LRRIQ3: variants seen among roughly 807,000 people sequenced by gnomAD.
LRRIQ3 encodes leucine-rich repeat and IQ domain-containing protein 3.
A neutral mutation model predicts 59.3 loss-of-function variants in LRRIQ3; 75 were observed. The observed-to-expected ratio is 1.26, with a 90% CI of 1.05 to 1.53. The LOEUF is 1.53. Ranked by LOEUF, LRRIQ3 falls within the 40% of genes most tolerant of loss-of-function variation. The pLI, the probability that LRRIQ3 is intolerant of heterozygous loss-of-function variation, is 0.00. For synonymous variants in LRRIQ3, 250 were observed against 231.3 expected, an observed-to-expected ratio of 1.08 and a Z score of -0.73; for missense variants, 831 against 710.0, an observed-to-expected ratio of 1.17 and a Z score of -1.94.
At chr1:74,140,897 A>G (rs1241150659) in intron 4 of LRRIQ3, among the ~76,000 whole-genome samples, 2 of 151,880 alleles carry the variant, frequency 1.3e-5, no homozygotes, top group African/African-American at 2.4e-5. Context: ...ATAAAAACAT[A>G]CATACATTCC....
intron 5 of LRRIQ3, chr1:74,078,836 A>G (rs1646238746): frequency 2.0e-5 from 3 of 151,852 alleles, no homozygotes; most frequent in African/African-American, 7.2e-5. Context: ...CAGAGTCCCT[A>G]TTTCCTCCAC....
intron 6 of LRRIQ3, among the ~76,000 whole-genome samples, chr1:74,061,546 CA>C (rs1654721634): frequency 6.6e-6 from 1 of 152,080 alleles, no homozygotes; most frequent in Non-Finnish European, 1.5e-5. Flanking sequence ...AACTATACTA[CA>C]TTTGCAGAAA....
At chr1:74,124,373 C>T (rs1003774032) in intron 4 of LRRIQ3, among the ~76,000 whole-genome samples, 3 of 151,706 alleles carry the variant, frequency 2.0e-5, no homozygotes, top group Admixed American at 2.0e-4. Flanking sequence ...TTATGTGATC[C>T]CATTTGTCTA....
At chr1:74,103,494 G>C (rs1646562600) in intron 5 of LRRIQ3, among the ~76,000 whole-genome samples, 1 of 151,766 alleles carries the variant, frequency 6.6e-6, no homozygotes, top group African/African-American at 2.4e-5. Flanking sequence ...ACAAATCCCA[G>C]AAACTGAATA....
intron 6 of LRRIQ3, among the ~76,000 whole-genome samples, chr1:74,063,052 C>A (rs540206510): frequency 1.5e-4 from 21 of 138,798 alleles, no homozygotes; most frequent in African/African-American, 5.2e-4. Flanking sequence ...AAAATAACAA[C>A]CACTACCAAA....
chr1:74,137,143 A>G (rs1427412706), intron 4 of LRRIQ3, among the ~76,000 whole-genome samples: 1 of 151,944 alleles, frequency 6.6e-6, no homozygotes, highest in Non-Finnish European at 1.5e-5. Flanking sequence ...GTATAATTAC[A>G]GGGGGAAAAG....
chr1:74,048,636 TAA>T, intron 6 of LRRIQ3, among the ~76,000 whole-genome samples: 1 of 151,840 alleles, frequency 6.6e-6, no homozygotes, highest in Non-Finnish European at 1.5e-5. Flanking sequence ...ATCACAAATA[TAA>T]AAGTTATTAT....
At chr1:74,059,751 G>T (rs896471201) in intron 6 of LRRIQ3, among the ~76,000 whole-genome samples, 8 of 151,950 alleles carry the variant, frequency 5.3e-5, no homozygotes, top group East Asian at 1.9e-4. Flanking sequence ...TTGAAATTTT[G>T]ATAGGGATTG....
At chr1:74,078,616 T>C (rs1467381286) in intron 5 of LRRIQ3, 1 of 151,884 alleles carries the variant, frequency 6.6e-6, no homozygotes, top group Non-Finnish European at 1.5e-5. Flanking sequence ...TAAGCTGTAT[T>C]AAGCATTTCG....
intron 4 of LRRIQ3, among the ~76,000 whole-genome samples, chr1:74,123,233 C>T (rs12048351): frequency 0.3 from 46,060 of 151,794 alleles, 7,752 homozygotes; most frequent in Middle Eastern, 0.45. Flanking sequence ...GCCTATAATG[C>T]ATAACAATGT....
At chr1:74,118,260 C>T (rs1646804284) in intron 4 of LRRIQ3, among the ~76,000 whole-genome samples, 2 of 152,064 alleles carry the variant, frequency 1.3e-5, no homozygotes, top group Admixed American at 1.3e-4. Flanking sequence ...ACATTTGGTT[C>T]CACATTTTTC....
At chr1:74,035,832 C>G (rs183351112) in intron 7 of LRRIQ3, among the ~76,000 whole-genome samples, 4 of 152,204 alleles carry the variant, frequency 2.6e-5, no homozygotes, top group African/African-American at 9.6e-5. Flanking sequence ...TCCTTGATCT[C>G]CCCTAGCTTT....
At chr1:74,034,205 T>C (rs1482234917) in intron 7 of LRRIQ3, among the ~76,000 whole-genome samples, 1 of 151,996 alleles carries the variant, frequency 6.6e-6, no homozygotes, top group East Asian at 1.9e-4. Context: ...GCGGAAAAAG[T>C]ATCAGAATTG....
intron 5 of LRRIQ3, among the ~76,000 whole-genome samples, chr1:74,097,915 T>A (rs1403495874): frequency 6.6e-6 from 1 of 152,038 alleles, no homozygotes; most frequent in Non-Finnish European, 1.5e-5. Context: ...GCACTAAACA[T>A]GGAAAGGAAC....
At chr1:74,029,431 C>T (rs1653627351) in intron 7 of LRRIQ3, among the ~76,000 whole-genome samples, 1 of 151,958 alleles carries the variant, frequency 6.6e-6, no homozygotes, top group African/African-American at 2.4e-5. Flanking sequence ...TTGTCAAAGG[C>T]CTTTTCTGCA....
chr1:74,165,500 G>A (rs1207213789), intron 3 of LRRIQ3, among the ~76,000 whole-genome samples: 3 of 151,434 alleles, frequency 2.0e-5, no homozygotes, highest in Non-Finnish European at 4.4e-5. Context: ...GATTCTTGAG[G>A]ATTTTTTACA....
At chr1:74,181,525 T>A (rs1649975566) in intron 3 of LRRIQ3, 1 of 151,840 alleles carries the variant, frequency 6.6e-6, no homozygotes, top group African/African-American at 2.4e-5. Flanking sequence ...TCGATTATCC[T>A]TAAAAGGGTC....
At chr1:74,146,739 T>A (rs942563170) in intron 4 of LRRIQ3, among the ~76,000 whole-genome samples, 5 of 152,196 alleles carry the variant, frequency 3.3e-5, no homozygotes, top group African/African-American at 9.7e-5. Flanking sequence ...TTGGGATTGT[T>A]TATAGGATCA....
intron 6 of LRRIQ3, among the ~76,000 whole-genome samples, chr1:74,063,669 T>A (rs1654791774): frequency 6.6e-6 from 1 of 152,104 alleles, no homozygotes; most frequent in African/African-American, 2.4e-5. Context: ...AACACTGTTT[T>A]TTCATTTTAA....
Sources: gnomAD v4.1 joint callset for allele counts (sites outside exome capture counted in the v4.1 genomes callset) on GRCh38, gnomAD v4.1.1 for gene constraint, MANE v1.5 for transcripts, NCBI Gene and HGNC (gene_info 2026-07-23, HGNC 2026-07-21) for gene names.